The following DENND2C variants were observed in gnomAD, a reference collection of about 807,000 sequenced individuals.
DENND2C encodes DENN domain-containing protein 2C.
A neutral mutation model predicts 112.4 loss-of-function variants in DENND2C; 72 were observed. The observed-to-expected ratio is 0.64, with a 90% CI of 0.53 to 0.78. DENND2C has a LOEUF of 0.78. Ranked by LOEUF, DENND2C falls within the 30% of genes least tolerant of loss-of-function variation. The pLI, the probability that DENND2C is intolerant of heterozygous loss-of-function variation, is 0.00. For synonymous variants in DENND2C, 329 were observed against 381.6 expected, an observed-to-expected ratio of 0.86 and a Z score of 1.61; for missense variants, 992 against 1,113.8, an observed-to-expected ratio of 0.89 and a Z score of 1.56.
chr1:114,621,927 C>G lies in DENND2C; in HGVS notation c.1195G>C (p.Val399Leu). 6.4e-7 allele frequency: 1 copy of G among 1,550,644 alleles called. No homozygotes were observed. The highest frequency in any genetic ancestry group is 8.7e-7 in the Non-Finnish European group (1 of 1,147,000). Residue 399 changes from valine to leucine, a missense_variant, in exon 7 of 21, where the codon GTT (valine) becomes CTT (leucine). This residue lies in a region of DENND2C where 470 missense variants were observed against 472.7 expected (regional missense o/e 0.99). Coordinates refer to ENST00000393274, the MANE Select transcript of DENND2C (RefSeq NM_001256404.2). The part of the protein sequence containing the change: ...TEWKLFRAGE[V>L]ANTKRKNLPR... ...AGATTTTTCCTTTTCGTGTTTGCAACTTCACCAGCTCGGAAAAGCTTCCAT... is the reference window on the plus strand; with the variant it reads ...AGATTTTTCCTTTTCGTGTTTGCAAGTTCACCAGCTCGGAAAAGCTTCCAT...
At chr1:114,603,709 T>C (rs529721193) in intron 11 of DENND2C, among the ~76,000 whole-genome samples, 2 of 151,804 alleles carry the variant, frequency 1.3e-5, no homozygotes, top group Non-Finnish European at 2.9e-5. Flanking sequence ...GGCTAGTTCT[T>C]TTGGTATTTT....
intron 1 of DENND2C, among the ~76,000 whole-genome samples, chr1:114,659,767 T>TCTTC: frequency 8.8e-6 from 1 of 113,590 alleles, no homozygotes; most frequent in East Asian, 2.3e-4. Flanking sequence ...CCTCCCTCCG[T>TCTTC]CTTCCTTCCT....
chr1:114,620,712 A>G (rs1378756948), intron 7 of DENND2C, among the ~76,000 whole-genome samples: 1 of 152,224 alleles, frequency 6.6e-6, no homozygotes, highest in Non-Finnish European at 1.5e-5. Flanking sequence ...GATGCACAGA[A>G]AGATAAACAG....
At chr1:114,666,924 A>G (rs1657663865) in intron 1 of DENND2C, among the ~76,000 whole-genome samples, 1 of 152,240 alleles carries the variant, frequency 6.6e-6, no homozygotes, top group African/African-American at 2.4e-5. Context: ...CACATTACCT[A>G]GCAATTTTAG....
intron 2 of DENND2C, among the ~76,000 whole-genome samples, chr1:114,650,524 T>A (rs1268015014): frequency 6.9e-6 from 1 of 144,292 alleles, no homozygotes; most frequent in Non-Finnish European, 1.5e-5. Context: ...AAAAAAAAAA[T>A]TTAGCCAGGC....
intron 18 of DENND2C, among the ~76,000 whole-genome samples, chr1:114,588,782 A>T (rs1474856238): frequency 6.6e-6 from 1 of 152,162 alleles, no homozygotes; most frequent in East Asian, 1.9e-4. Context: ...AAATACAGAC[A>T]AGGTCTTGCT....
chr1:114,613,016 C>CA (rs900620442), intron 8 of DENND2C, among the ~76,000 whole-genome samples: 1 of 152,070 alleles, frequency 6.6e-6, no homozygotes, highest in African/African-American at 2.4e-5. Flanking sequence ...ACTTATTCTA[C>CA]AAAAATAGTC....
chr1:114,641,938 T>C (rs554152397), intron 3 of DENND2C, among the ~76,000 whole-genome samples: 4 of 152,176 alleles, frequency 2.6e-5, no homozygotes, highest in African/African-American at 9.6e-5. Flanking sequence ...ATCATATATA[T>C]ACACACATAT....
At chr1:114,590,220 T>G (rs540113054) in intron 18 of DENND2C, among the ~76,000 whole-genome samples, 12 of 152,056 alleles carry the variant, frequency 7.9e-5, no homozygotes, top group Non-Finnish European at 1.8e-4. Flanking sequence ...ATAGACTCCA[T>G]CTCTACAAAA....
At chr1:114,652,750 T>C (rs936410860) in intron 2 of DENND2C, among the ~76,000 whole-genome samples, 11 of 149,464 alleles carry the variant, frequency 7.4e-5, no homozygotes, top group South Asian at 4.2e-4. Context: ...GACACAATCA[T>C]GGTGCACTAC....
At chr1:114,649,202 G>T (rs749041821) in intron 2 of DENND2C, among the ~76,000 whole-genome samples, 22 of 152,116 alleles carry the variant, frequency 1.4e-4, no homozygotes, top group Middle Eastern at 3.4e-3. Flanking sequence ...TAATCAGCCC[G>T]CCTTGGCCTC....
intron 2 of DENND2C, among the ~76,000 whole-genome samples, chr1:114,650,356 CA>C: frequency 6.6e-6 from 1 of 150,954 alleles, no homozygotes; most frequent in Middle Eastern, 3.4e-3. Context: ...TCAAGAATTT[CA>C]GCAATTTTCA....
At chr1:114,653,424 T>G (rs1316978535) in intron 2 of DENND2C, among the ~76,000 whole-genome samples, 1 of 152,074 alleles carries the variant, frequency 6.6e-6, no homozygotes, top group African/African-American at 2.4e-5. Context: ...TTAGTACTTT[T>G]TATACTATTA....
At chr1:114,655,814 T>C (rs1657288967) in intron 1 of DENND2C, among the ~76,000 whole-genome samples, 1 of 149,904 alleles carries the variant, frequency 6.7e-6, no homozygotes. Context: ...AAATGTAACA[T>C]ACATAAAGCA....
At chr1:114,596,175 C>T (rs1358884088) in intron 16 of DENND2C, among the ~76,000 whole-genome samples, 1 of 152,120 alleles carries the variant, frequency 6.6e-6, no homozygotes, top group Non-Finnish European at 1.5e-5. Flanking sequence ...GAGTTGGAGA[C>T]CAGCCCTGGC....
At chr1:114,662,805 A>T (rs1657534843) in intron 1 of DENND2C, among the ~76,000 whole-genome samples, 1 of 152,132 alleles carries the variant, frequency 6.6e-6, no homozygotes, top group Non-Finnish European at 1.5e-5. Context: ...AAAGTTTTTT[A>T]AAAAATTAGC....
rs374150413 is a variant in DENND2C, at chr1:114,620,641, C to G, written c.1227+1254G>C. On this transcript the variant is annotated intron_variant, in intron 7 of 20. Coordinates refer to ENST00000393274, the MANE Select transcript of DENND2C (RefSeq NM_001256404.2). ...TGTGCCAACATGATCTACCAGAGGGCGCAGCTACTGCAAGATGCCTGGCAG... is the reference window on the plus strand; with the variant it reads ...TGTGCCAACATGATCTACCAGAGGGGGCAGCTACTGCAAGATGCCTGGCAG... Among the ~76,000 whole-genome samples the G allele has an allele frequency of 1.2e-3, 183 of 152,240 alleles. 4 individuals carry two copies. The South Asian group carries it at 0.037, about 31-fold the overall frequency.
intron 8 of DENND2C, among the ~76,000 whole-genome samples, chr1:114,615,872 G>A (rs1388662191): frequency 1.3e-5 from 2 of 152,136 alleles, no homozygotes; most frequent in East Asian, 1.9e-4. Flanking sequence ...TCAGAAGATC[G>A]AGACCATCCT....
chr1:114,666,847 G>A (rs563557905), intron 1 of DENND2C, among the ~76,000 whole-genome samples: 1 of 152,276 alleles, frequency 6.6e-6, no homozygotes, highest in East Asian at 1.9e-4. Context: ...ATATTTTTTA[G>A]TGAAACATTC....
Sources: allele counts gnomAD v4.1 joint callset (sites outside exome capture counted in the v4.1 genomes callset), GRCh38; gene constraint gnomAD v4.1.1; regional missense constraint gnomAD v4.1.1; transcripts MANE v1.5; gene names NCBI Gene and HGNC (gene_info 2026-07-23, HGNC 2026-07-21).